Variants in UHRF2 observed in about 807,000 individuals in gnomAD.
The protein encoded by UHRF2 is E3 ubiquitin-protein ligase UHRF2.
In UHRF2, 23 loss-of-function variants were observed where a neutral mutation model predicts 96.8. That is an observed-to-expected ratio of 0.24 (90% CI 0.17 to 0.34). The LOEUF is 0.34. Ranked by LOEUF, UHRF2 falls within the 10% of genes least tolerant of loss-of-function variation. UHRF2 has a pLI of 1.00. For missense variants in UHRF2, 685 were observed against 981.5 expected, an observed-to-expected ratio of 0.70 and a Z score of 4.04; for synonymous variants, 385 against 332.6, an observed-to-expected ratio of 1.16 and a Z score of -1.72.
chr9:6,464,745 A>G (rs916050197), intron 4 of UHRF2, among the ~76,000 whole-genome samples: 5 of 152,138 alleles, frequency 3.3e-5, no homozygotes, highest in Non-Finnish European at 5.9e-5. Flanking sequence ...TGACTTCTCT[A>G]TTCTGTACCA....
intron 1 of UHRF2, among the ~76,000 whole-genome samples, chr9:6,419,504 A>C (rs1171939601): frequency 1.3e-5 from 2 of 152,126 alleles, no homozygotes; most frequent in African/African-American, 2.4e-5. Context: ...CCTACTGATA[A>C]TGCTTTAGAA....
chr9:6,471,235 C>T (rs1317954157), intron 4 of UHRF2, among the ~76,000 whole-genome samples: 5 of 152,184 alleles, frequency 3.3e-5, no homozygotes, highest in African/African-American at 1.2e-4. Flanking sequence ...GTGGGATAAA[C>T]AGTGGAAAGC....
intron 15 of UHRF2, among the ~76,000 whole-genome samples, chr9:6,505,543 T>C (rs1481707546): frequency 6.6e-6 from 1 of 152,232 alleles, no homozygotes; most frequent in African/African-American, 2.4e-5. Flanking sequence ...GTGATCCACC[T>C]GCCTCAGCCT....
chr9:6,469,713 CACATATAT>C (rs1823113811), intron 4 of UHRF2, among the ~76,000 whole-genome samples: 4 of 148,832 alleles, frequency 2.7e-5, no homozygotes, highest in East Asian at 2.0e-4. Context: ...TACATATACA[CACATATAT>C]GTGCATATAT....
chr9:6,460,448 A>G (rs1259952822), intron 3 of UHRF2, 125 bp from the exon 4 acceptor site: 2 of 739,346 alleles, frequency 2.7e-6, no homozygotes, highest in Non-Finnish European at 4.3e-6. Flanking sequence ...CTATTTAAGG[A>G]CACTTCAACC....
chr9:6,423,021 T>C (rs1022734528), intron 2 of UHRF2: 3 of 191,032 alleles, frequency 1.6e-5, no homozygotes, highest in South Asian at 1.9e-4. Flanking sequence ...TCTTTGTAAC[T>C]TCCTAATTCT....
intron 8 of UHRF2, among the ~76,000 whole-genome samples, chr9:6,482,956 C>A (rs1341313903): frequency 6.6e-6 from 1 of 152,070 alleles, no homozygotes; most frequent in Admixed American, 6.5e-5. Context: ...AGATAACATA[C>A]ACTTATCCCT....
Position 6,505,297 on chromosome 9 carries a change from A to G in UHRF2, c.2262+606A>G, listed in dbSNP as rs116586816. 3.0e-3 allele frequency among the ~76,000 whole-genome samples: 449 copies of G among 149,828 alleles called. 4 individuals carry two copies. The highest frequency in any genetic ancestry group is 0.01 in the African/African-American group (417 of 40,276). The stretch of plus-strand genomic sequence containing the variant: ...TATATATATGCGTGTGTGTGTGTGT[A>G]TATATATATATATTTTTTGACGGAA... On this transcript the variant is annotated intron_variant, in intron 15 of 15. Transcript: ENST00000276893.
chr9:6,470,358 CAA>C (rs35859975), intron 4 of UHRF2, among the ~76,000 whole-genome samples: 18 of 94,578 alleles, frequency 1.9e-4, no homozygotes, highest in African/African-American at 2.8e-4. Flanking sequence ...GACTCCATCT[CAA>C]AAAAAAAAAA....
At chr9:6,423,462 T>G (rs1223676035) in intron 2 of UHRF2, among the ~76,000 whole-genome samples, 1 of 152,154 alleles carries the variant, frequency 6.6e-6, no homozygotes, top group Non-Finnish European at 1.5e-5. Flanking sequence ...TTTTAAAAAA[T>G]TATGGCTGCT....
chr9:6,472,392 A>T (rs1358652742), intron 4 of UHRF2, among the ~76,000 whole-genome samples: 1 of 152,260 alleles, frequency 6.6e-6, no homozygotes, highest in African/African-American at 2.4e-5. Flanking sequence ...CAAGGAAAAC[A>T]TTCCAGAAAA....
chr9:6,498,956 T>C (rs1388246600), intron 12 of UHRF2: 1 of 152,242 alleles, frequency 6.6e-6, no homozygotes, highest in Non-Finnish European at 1.5e-5. Context: ...GCAAGTCTGT[T>C]TCTGTTTTTG....
chr9:6,469,725 C>T (rs990184160), intron 4 of UHRF2, among the ~76,000 whole-genome samples: 2 of 98,016 alleles, frequency 2.0e-5, no homozygotes, highest in Admixed American at 2.0e-4. Flanking sequence ...CATATATGTG[C>T]ATATATACGT....
At chr9:6,436,107 ATAT>A (rs1486550889) in intron 3 of UHRF2, among the ~76,000 whole-genome samples, 1 of 152,202 alleles carries the variant, frequency 6.6e-6, no homozygotes, top group African/African-American at 2.4e-5. Context: ...TGTATGGAAA[ATAT>A]TATGCTACCA....
In UHRF2 at chr9:6,499,780, C is replaced by A. The variant is rs115119185; in HGVS notation, c.1909-55C>A. 3.0e-4 allele frequency: 362 copies of A among 1,220,660 alleles called. 1 individual carries two copies. In the African/African-American group the frequency reaches 4.9e-3, roughly 16 times the overall value. The allele number at this position is 1,220,660 out of a possible 1,614,324, so 75.6% of individuals were successfully genotyped here. ...AATTTCTCACCAGGATCTAAACCCC[C>A]CTTCTCTGTGAAGCTTAAATCTGCA... On this transcript the variant is annotated intron_variant, in intron 12 of 15. Transcript: ENST00000276893.
intron 4 of UHRF2, among the ~76,000 whole-genome samples, chr9:6,461,460 C>T (rs1162138961): frequency 1.3e-5 from 2 of 148,880 alleles, no homozygotes; most frequent in Non-Finnish European, 3.0e-5. Flanking sequence ...GTAACCTCTG[C>T]CTCTTGGGTT....
chr9:6,502,723 A>T (rs957122262), intron 14 of UHRF2, among the ~76,000 whole-genome samples: 5 of 152,218 alleles, frequency 3.3e-5, no homozygotes, highest in African/African-American at 9.7e-5. Context: ...CCTGTAACTC[A>T]AAATACCTGT....
Position 6,462,057 on chromosome 9 carries a change from G to T in UHRF2, c.863+1266G>T, listed in dbSNP as rs1291365314. On this transcript the variant is annotated intron_variant, in intron 4 of 15. Transcript: ENST00000276893. ...TATTTGTGTCAAGTTCTGATTAACT[G>T]GATTAGTGATACAAGGTGACAAATC... Among the ~76,000 whole-genome samples, 3 of 151,912 alleles carry T rather than the reference G, an allele frequency of 2.0e-5. No individual in the cohort carries two copies. The East Asian group carries it at 5.8e-4, about 29-fold the overall frequency.
At chr9:6,467,719 A>G (rs77536511) in intron 4 of UHRF2, among the ~76,000 whole-genome samples, 41 of 149,710 alleles carry the variant, frequency 2.7e-4, no homozygotes, top group African/African-American at 8.9e-4. Context: ...TTTACTAGTC[A>G]CTTGGGAGTG....
Sources: allele counts gnomAD v4.1 joint callset (sites outside exome capture counted in the v4.1 genomes callset), GRCh38; gene constraint gnomAD v4.1.1; transcripts MANE v1.5; gene names NCBI Gene and HGNC (gene_info 2026-07-23, HGNC 2026-07-21).